Variants in AGR3 observed in about 807,000 individuals in gnomAD.
The protein encoded by AGR3 is anterior gradient protein 3.
A neutral mutation model predicts 24.5 loss-of-function variants in AGR3; 37 were observed. That is an observed-to-expected ratio of 1.51 (90% CI 1.16 to 1.99). AGR3 has a LOEUF of 1.99. AGR3 is among the 30% of genes most tolerant of loss of function. AGR3 has a pLI of 0.00. For synonymous variants in AGR3, 75 were observed against 61.6 expected (o/e 1.22, Z -1.02); for missense variants, 228 against 191.1 (o/e 1.19, Z -1.14).
intron 2 of AGR3, among the ~76,000 whole-genome samples, chr7:16,875,620 T>G (rs578106120): frequency 6.6e-6 from 1 of 152,172 alleles, no homozygotes; most frequent in Non-Finnish European, 1.5e-5. Flanking sequence ...CTTGGGTATA[T>G]ACCTAGGAGT....
chr7:16,874,889 G>C (rs1781954351), intron 2 of AGR3, among the ~76,000 whole-genome samples: 2 of 152,138 alleles, frequency 1.3e-5, no homozygotes, highest in East Asian at 3.9e-4. Context: ...GACCAAGGTG[G>C]GTGGATCATT....
Position 16,878,317 on chromosome 7 carries a change from C to T in AGR3, c.109+193G>A, listed in dbSNP as rs1330954430. ...TAATGCAAATTTATGTTATTGTTTG[C>T]TAGTTGATTTGATTCACTGCCTAAA... On this transcript the variant is annotated intron_variant, in intron 2 of 7. Coordinates refer to ENST00000310398, the MANE Select transcript of AGR3 (RefSeq NM_176813.5). Among the ~76,000 whole-genome samples, 3 of 152,270 alleles carry T rather than the reference C, an allele frequency of 2.0e-5. No homozygotes were observed. In the East Asian group the frequency reaches 5.8e-4, roughly 29 times the overall value.
rs186989557 is a variant in AGR3, at chr7:16,874,457, G to A, written c.110-614C>T. Among the ~76,000 whole-genome samples the A allele has an allele frequency of 7.9e-5, 12 of 152,164 alleles. No individual in the cohort carries two copies. The East Asian group carries it at 2.3e-3, about 29-fold the overall frequency. On this transcript the variant is annotated intron_variant, in intron 2 of 7. Transcript: ENST00000310398. The stretch of plus-strand genomic sequence containing the variant: ...CAATGAATATAGAGAGAACCCATTA[G>A]CCTTAAAGAAATGGTATGAATAGTT...
intron 3 of AGR3, among the ~76,000 whole-genome samples, chr7:16,866,782 C>T (rs576871270): frequency 7.2e-5 from 11 of 152,046 alleles, no homozygotes; most frequent in Non-Finnish European, 1.5e-4. Flanking sequence ...GACTTGTTGA[C>T]CTTTTTCTTG....
In AGR3 at chr7:16,869,354, CTTTGT is replaced by C. The variant is rs571910428; in HGVS notation, c.173+4421_173+4425del. Among the ~76,000 whole-genome samples, 562 of 152,040 alleles carry C rather than the reference CTTTGT, an allele frequency of 3.7e-3. 3 individuals are homozygous for C. Among genetic ancestry groups the C allele is most frequent in the African/African-American group, 0.013 (531 of 41,486 alleles). On this transcript the variant is annotated intron_variant, in intron 3 of 7. Coordinates refer to ENST00000310398, the MANE Select transcript of AGR3 (RefSeq NM_176813.5). ...AGTCTGTTTTATCTAAGTATAGCTA[CTTTGT>C]TTTGTTTTGTTTTGTTTCCATTTAT... is the stretch of plus-strand genomic sequence containing the variant.
At chr7:16,867,852 G>A (rs762644582) in intron 3 of AGR3, among the ~76,000 whole-genome samples, 40 of 152,102 alleles carry the variant, frequency 2.6e-4, no homozygotes, top group Non-Finnish European at 3.7e-4. Context: ...TAGACATACC[G>A]ATTTTATCTT....
At chr7:16,861,918 GAA>G (rs1200634847) in intron 5 of AGR3, 64 bp downstream of exon 5, 2 of 922,874 alleles carry the variant, frequency 2.2e-6, no homozygotes, top group Admixed American at 2.7e-5. Flanking sequence ...AAAAAAAAAA[GAA>G]AAAAACGGAT....
In AGR3 at chr7:16,864,684, T is replaced by A. The variant is rs1237249787; in HGVS notation, c.174-2022A>T. On this transcript the variant is annotated intron_variant, in intron 3 of 7. Transcript: ENST00000310398. ...AGAAGTCAGGAAAAAGTGCTTTTGC[T>A]GCCAGGCAATTTTCCCCATACTTTT... The A allele has an allele frequency of 6.3e-6, 10 of 1,582,012 alleles. No homozygotes were observed. In the Admixed American group the frequency reaches 1.7e-4, roughly 26 times the overall value.
chr7:16,862,681 G>A lies in AGR3; in HGVS notation c.174-19C>T. ...CTTCTTACTAAACAAAGAAAGTATG[G>A]AATTAAGTCAAATGATTAACTTTGG... On this transcript the variant is annotated intron_variant, in intron 3 of 7. Transcript: ENST00000310398. The A allele has an allele frequency of 6.6e-7, 1 of 1,518,760 alleles. No homozygotes were observed. Among genetic ancestry groups the A allele is most frequent in the Admixed American group, 2.3e-5 (1 of 43,362 alleles). The allele number at this position is 1,518,760 out of a possible 1,614,324, so 94.1% of individuals were successfully genotyped here.
intron 3 of AGR3, among the ~76,000 whole-genome samples, chr7:16,872,030 A>G (rs1412956853): frequency 6.6e-6 from 1 of 152,166 alleles, no homozygotes; most frequent in Admixed American, 6.5e-5. Context: ...CATACCACCA[A>G]AGGCAATCTA....
At chr7:16,861,231 T>C (rs1305409192) in intron 6 of AGR3, among the ~76,000 whole-genome samples, 153 bp downstream of exon 6, 1 of 152,224 alleles carries the variant, frequency 6.6e-6, no homozygotes, top group African/African-American at 2.4e-5. Flanking sequence ...TATAGTGGAT[T>C]TTGATTGTAG....
At chr7:16,865,687 G>T in intron 3 of AGR3, 2 of 796,146 alleles carry the variant, frequency 2.5e-6, no homozygotes, top group Non-Finnish European at 2.3e-6. Context: ...TTTGTAACTT[G>T]TTATACTTTG....
intron 3 of AGR3, among the ~76,000 whole-genome samples, chr7:16,863,917 T>C (rs1461873977): frequency 1.3e-5 from 2 of 152,126 alleles, no homozygotes; most frequent in Non-Finnish European, 2.9e-5. Flanking sequence ...TCTTGTATAG[T>C]TCATATTTAC....
intron 2 of AGR3, among the ~76,000 whole-genome samples, chr7:16,875,182 C>T (rs1781962676): frequency 6.6e-6 from 1 of 151,812 alleles, no homozygotes; most frequent in Admixed American, 6.6e-5. Context: ...AGTTGTGCAA[C>T]CATCATCACA....
intron 3 of AGR3, chr7:16,866,131 T>C (rs1246290753): frequency 2.4e-4 from 128 of 544,080 alleles, no homozygotes; most frequent in Non-Finnish European, 1.4e-5. Flanking sequence ...GCTGGAAATA[T>C]CTTACTTTCT....
chr7:16,876,431 A>AT (rs1781987800), intron 2 of AGR3, among the ~76,000 whole-genome samples: 1 of 151,948 alleles, frequency 6.6e-6, no homozygotes. Flanking sequence ...ATGTGTGTGT[A>AT]TTTTTTTCTC....
At chr7:16,869,101 A>G (rs537478357) in intron 3 of AGR3, among the ~76,000 whole-genome samples, 2 of 152,134 alleles carry the variant, frequency 1.3e-5, no homozygotes, top group Non-Finnish European at 2.9e-5. Context: ...TTCCTTATTG[A>G]CTTTTTGGAT....
At chr7:16,857,417 A>G (rs972611833), downstream of AGR3, among the ~76,000 whole-genome samples, 5 of 152,184 alleles carry the variant, frequency 3.3e-5, no homozygotes, top group African/African-American at 1.2e-4. Context: ...TGAATGTTCA[A>G]TGTTATTTAT....
intron 3 of AGR3, chr7:16,864,403 G>T: frequency 7.8e-7 from 1 of 1,288,406 alleles, no homozygotes; most frequent in Non-Finnish European, 1.1e-6. Context: ...TTCCAGCTCT[G>T]TGTCCTGTGC....
Sources: allele counts gnomAD v4.1 joint callset (sites outside exome capture counted in the v4.1 genomes callset), GRCh38; gene constraint gnomAD v4.1.1; transcripts MANE v1.5; gene names NCBI Gene and HGNC (gene_info 2026-07-23, HGNC 2026-07-21).